AGL: variants seen among roughly 807,000 people sequenced by gnomAD.
AGL encodes the protein amylo-alpha-1,6-glucosidase and 4-alpha-glucanotransferase.
A neutral mutation model predicts 199.3 loss-of-function variants in AGL; 128 were observed. The ratio of observed to expected loss-of-function variants is 0.64; its 90% confidence interval spans 0.56 to 0.74. The LOEUF is 0.74. AGL is among the 30% of genes least tolerant of loss of function. The pLI, the probability that AGL is intolerant of heterozygous loss-of-function variation, is 0.00. For synonymous variants in AGL, 584 were observed against 594.7 expected, an observed-to-expected ratio of 0.98 and a Z score of 0.26; for missense variants, 1,809 against 1,820.8, an observed-to-expected ratio of 0.99 and a Z score of 0.12.
At position 99,907,160 on chromosome 1, in the gene AGL, T is replaced by C. The variant is rs567964417; in HGVS notation, c.3701-3552T>C. 5.3e-5 allele frequency among the ~76,000 whole-genome samples: 8 copies of C among 152,350 alleles called. No individual in the cohort carries two copies. The South Asian group carries it at 1.7e-3, about 32-fold the overall frequency. On this transcript the variant is annotated intron_variant, in intron 27 of 33. Transcript: ENST00000361915. ...TTTGTTTGCCAATTATGGGTCTTCT[T>C]TGGAGAATTGTCTATTGAAGCCCTT... is the stretch of plus-strand genomic sequence containing the variant.
chr1:99,869,306 G>T (rs1006133042), intron 5 of AGL, among the ~76,000 whole-genome samples: 1 of 151,946 alleles, frequency 6.6e-6, no homozygotes, highest in Non-Finnish European at 1.5e-5. Flanking sequence ...TCCTTACATA[G>T]CCTTTCTTCA....
chr1:99,922,469 A>G lies in AGL; in HGVS notation c.*818A>G, dbSNP rs1235642734. The G allele has an allele frequency of 6.6e-6, 1 of 151,780 alleles. No homozygotes were observed. The highest frequency in any genetic ancestry group is 2.4e-5 in the African/African-American group (1 of 41,440). 9.4% of individuals were successfully genotyped at this position (151,780 alleles called of 1,614,324 possible). On this transcript the variant is annotated 3_prime_UTR_variant, in exon 34 of 34. Transcript: ENST00000361915. ...TATCTTTAGTCATGTTCAAAAATCT[A>G]TTGCTAGATCATAGTAGATACTGGT...
chr1:99,865,687 A>G lies in AGL; in HGVS notation c.664+1098A>G, dbSNP rs144729401. ...AAAAGTTTGGAAACCACTGATTTGC[A>G]TATGTAAAGAACAAGAATTCTAGTT... On this transcript the variant is annotated intron_variant, in intron 5 of 33. Coordinates refer to ENST00000361915, the MANE Select transcript of AGL (RefSeq NM_000642.3). Among the ~76,000 whole-genome samples, 602 of 152,354 alleles carry G rather than the reference A, an allele frequency of 4.0e-3. 6 individuals are homozygous for G. Among genetic ancestry groups the G allele is most frequent in the African/African-American group, 0.014 (577 of 41,572 alleles).
At position 99,880,115 on chromosome 1, in the gene AGL, A is replaced by G. The variant is rs1651891484; in HGVS notation, c.1735+69A>G. On this transcript the variant is annotated intron_variant, in intron 13 of 33. Transcript: ENST00000361915. The stretch of plus-strand genomic sequence containing the variant: ...GTTTAAGTAGATTAAAGGATTTAAT[A>G]GCTTCATATGCAATGCTTAATAATT... The G allele has an allele frequency of 8.8e-6, 14 of 1,595,948 alleles. 1 individual carries two copies. In the South Asian group the frequency reaches 1.4e-4, roughly 16 times the overall value.
intron 5 of AGL, among the ~76,000 whole-genome samples, chr1:99,865,743 G>A (rs1180898367): frequency 6.6e-6 from 1 of 152,214 alleles, no homozygotes; most frequent in Non-Finnish European, 1.5e-5. Flanking sequence ...ACAATCTGCT[G>A]TTTCATAAAA....
rs886044934 is a variant in AGL at position 99,923,603 on chromosome 1, C to T, written c.*1952C>T. On this transcript the variant is annotated 3_prime_UTR_variant, in exon 34 of 34. Transcript: ENST00000361915. ...AATGAAAGAACATTGTTATATTCTG[C>T]GTGGTATATTTTAAAGTTTAAGAAG... The T allele has an allele frequency of 4.6e-5, 7 of 152,008 alleles. No homozygotes were observed. Among genetic ancestry groups the T allele is most frequent in the African/African-American group, 7.2e-5 (3 of 41,390 alleles). 9.4% of individuals were successfully genotyped at this position (152,008 alleles called of 1,614,324 possible). A position where few individuals can be genotyped will look rare whatever the true frequency, so the allele number is the denominator to read the frequency against.
intron 5 of AGL, among the ~76,000 whole-genome samples, chr1:99,866,047 G>A (rs1173194355): frequency 6.6e-6 from 1 of 152,066 alleles, no homozygotes; most frequent in Non-Finnish European, 1.5e-5. Context: ...GTGGGAGGAT[G>A]ACTTGAGGCC....
rs1294297593 is a variant in AGL, at chr1:99,870,832, C to T, written c.921C>T (p.Asn307=). The stretch of plus-strand genomic sequence containing the variant: ...GGGAATTTTTCCAAGTAGATGTCAA[C>T]AAAGCGGTTGAGCAATTTAGAAGAC... ...KLWEFFQVDV[N]KAVEQFRRLL... is the part of the protein sequence containing the mutation. Residue 307 remains asparagine, a synonymous_variant, in exon 7 of 34, where the codon AAC becomes AAT. Transcript: ENST00000361915. 2 of 1,610,368 alleles carry T rather than the reference C, an allele frequency of 1.2e-6. No homozygotes were observed. Among genetic ancestry groups the T allele is most frequent in the Non-Finnish European group, 1.7e-6 (2 of 1,176,958 alleles).
chr1:99,897,094 C>T (rs564854661), intron 25 of AGL, among the ~76,000 whole-genome samples: 12 of 152,176 alleles, frequency 7.9e-5, no homozygotes, highest in Non-Finnish European at 1.3e-4. Flanking sequence ...GGATTACAGG[C>T]GTGAGCCACC....
At chr1:99,866,200 C>T (rs1650496313) in intron 5 of AGL, among the ~76,000 whole-genome samples, 1 of 152,108 alleles carries the variant, frequency 6.6e-6, no homozygotes, top group African/African-American at 2.4e-5. Flanking sequence ...TATCAAACCA[C>T]ATAAGGGCAT....
intron 7 of AGL, 167 bp from the exon 8 acceptor site, chr1:99,874,520 C>G (rs1571251521): frequency 1.5e-6 from 1 of 674,080 alleles, no homozygotes; most frequent in East Asian, 2.8e-5. Context: ...CGTGCACACA[C>G]GTGCACACAG....
At position 99,853,351 on chromosome 1, in the gene AGL, A is replaced by G. The variant is rs528902842; in HGVS notation, c.82+2227A>G. Among the ~76,000 whole-genome samples the G allele has an allele frequency of 7.2e-5, 11 of 152,272 alleles. No homozygotes were observed. The South Asian group carries it at 2.3e-3, about 32-fold the overall frequency. On this transcript the variant is annotated intron_variant, in intron 2 of 33. Transcript: ENST00000361915. ...AGCAGGTTTTCTCATGCCTGTCCTT[A>G]TACCCGTACTCCCATCAGATTCCTT...
upstream of AGL, chr1:99,849,950 C>T (rs1648797694): frequency 6.6e-6 from 1 of 152,324 alleles, no homozygotes; most frequent in Non-Finnish European, 1.5e-5. Context: ...GTGCACCTTC[C>T]CCAGGGCAAG....
intron 7 of AGL, among the ~76,000 whole-genome samples, chr1:99,874,257 TAA>T (rs34530728): frequency 1.4e-5 from 2 of 147,346 alleles, no homozygotes; most frequent in African/African-American, 2.5e-5. Flanking sequence ...TTAAAGTGTT[TAA>T]AAAAAAAAAA....
intron 21 of AGL, among the ~76,000 whole-genome samples, chr1:99,889,401 T>C (rs1652710672): frequency 6.6e-6 from 1 of 152,140 alleles, no homozygotes; most frequent in Non-Finnish European, 1.5e-5. Flanking sequence ...CAAAATGTTT[T>C]GTGCTATGAG....
chr1:99,853,900 A>G (rs913277667), intron 2 of AGL, among the ~76,000 whole-genome samples: 3 of 148,416 alleles, frequency 2.0e-5, no homozygotes, highest in Non-Finnish European at 4.5e-5. Flanking sequence ...TAAAAAACAA[A>G]AATAAAGGGC....
At chr1:99,907,277 G>A (rs1422356297) in intron 27 of AGL, among the ~76,000 whole-genome samples, 3 of 152,192 alleles carry the variant, frequency 2.0e-5, no homozygotes, top group South Asian at 4.1e-4. Context: ...TCATACATAT[G>A]AGAATTTCAT....
intron 12 of AGL, among the ~76,000 whole-genome samples, chr1:99,878,535 T>G (rs1349940363): frequency 2.6e-5 from 4 of 151,988 alleles, no homozygotes; most frequent in Non-Finnish European, 5.9e-5. Context: ...AGTATTAACT[T>G]CTATCTAATA....
At chr1:99,916,762 A>G in intron 33 of AGL, 31 bp downstream of exon 33, 11 of 1,605,176 alleles carry the variant, frequency 6.9e-6, no homozygotes, top group Non-Finnish European at 9.4e-6. Flanking sequence ...AATTTCCATA[A>G]CTAGTGTTTA....
Sources: gnomAD v4.1 joint callset for allele counts (sites outside exome capture counted in the v4.1 genomes callset) on GRCh38, gnomAD v4.1.1 for gene constraint, MANE v1.5 for transcripts, NCBI Gene and HGNC (gene_info 2026-07-23, HGNC 2026-07-21) for gene names.